Variants in SMIM35 observed in about 807,000 individuals in gnomAD.
The protein encoded by SMIM35 is TMPRSS4 antisense RNA 1 (non-protein coding).
At chr11:118,082,947 T>C (rs922932707) in intron 1 of SMIM35, among the ~76,000 whole-genome samples, 2 of 152,108 alleles carry the variant, frequency 1.3e-5, no homozygotes, top group Non-Finnish European at 2.9e-5. Flanking sequence ...TTAGCTCCAC[T>C]GAAATCAAAT....
At chr11:118,050,921 C>T (rs1490311743) in intron 1 of SMIM35, among the ~76,000 whole-genome samples, 2 of 152,204 alleles carry the variant, frequency 1.3e-5, no homozygotes, top group African/African-American at 4.8e-5. Context: ...CAATCCATCC[C>T]CACCCTATCT....
At chr11:118,013,377 G>C (rs910301633) in intron 4 of SMIM35, among the ~76,000 whole-genome samples, 3 of 152,236 alleles carry the variant, frequency 2.0e-5, no homozygotes, top group Non-Finnish European at 2.9e-5. Context: ...GGCTCAGAAA[G>C]CTCAGAACTG....
chr11:118,052,416 C>T (rs74795137), intron 1 of SMIM35, among the ~76,000 whole-genome samples: 10 of 152,240 alleles, frequency 6.6e-5, no homozygotes, highest in South Asian at 2.1e-4. Flanking sequence ...GTGTCTCCCA[C>T]GCAGAGGAGG....
At chr11:118,071,953 G>T (rs2135142873) in intron 1 of SMIM35, among the ~76,000 whole-genome samples, 1 of 152,328 alleles carries the variant, frequency 6.6e-6, no homozygotes, top group South Asian at 2.1e-4. Flanking sequence ...ACCTTGAGCA[G>T]GAAGGATCTA....
At chr11:118,067,347 G>C (rs1022438595) in intron 1 of SMIM35, 5 of 152,162 alleles carry the variant, frequency 3.3e-5, no homozygotes, top group Admixed American at 3.3e-4. Flanking sequence ...TGCTCATCAG[G>C]TGTCCACACT....
At chr11:118,043,157 A>C (rs1944033767) in intron 1 of SMIM35, among the ~76,000 whole-genome samples, 5 of 152,244 alleles carry the variant, frequency 3.3e-5, no homozygotes, top group Admixed American at 3.3e-4. Context: ...GAAATAGTCA[A>C]GAAAAAGCAA....
chr11:118,080,980 T>C (rs562205066), intron 1 of SMIM35, among the ~76,000 whole-genome samples: 2 of 152,224 alleles, frequency 1.3e-5, no homozygotes, highest in Non-Finnish European at 1.5e-5. Context: ...ACATTTTCTT[T>C]TAAACCTGTT....
chr11:118,057,228 C>T (rs1944328453), intron 1 of SMIM35, among the ~76,000 whole-genome samples: 1 of 152,182 alleles, frequency 6.6e-6, no homozygotes, highest in Non-Finnish European at 1.5e-5. Flanking sequence ...GGGATAGAGA[C>T]AAACCTTCCT....
At chr11:118,048,579 A>AGAG (rs1218109188) in intron 1 of SMIM35, among the ~76,000 whole-genome samples, 1 of 145,406 alleles carries the variant, frequency 6.9e-6, no homozygotes. Flanking sequence ...GGAAGGAAGG[A>AGAG]AGGAAGGAAG....
At chr11:118,066,274 C>T (rs1254562309) in intron 1 of SMIM35, among the ~76,000 whole-genome samples, 1 of 152,088 alleles carries the variant, frequency 6.6e-6, no homozygotes, top group Non-Finnish European at 1.5e-5. Context: ...TAGTCAGTCA[C>T]CAAGTCCAAC....
intron 4 of SMIM35, among the ~76,000 whole-genome samples, chr11:118,009,998 G>T (rs2058142227): frequency 6.6e-6 from 1 of 152,156 alleles, no homozygotes; most frequent in African/African-American, 2.4e-5. Context: ...GTAGCCAGTT[G>T]TGGAACTTGG....
At chr11:118,077,715 T>C (rs889045332) in intron 1 of SMIM35, among the ~76,000 whole-genome samples, 7 of 152,090 alleles carry the variant, frequency 4.6e-5, no homozygotes, top group African/African-American at 1.7e-4. Flanking sequence ...CCTTTTCTTT[T>C]TAAAGAAAAG....
At chr11:118,023,282 G>A (rs1289999247) in intron 1 of SMIM35, among the ~76,000 whole-genome samples, 1 of 152,000 alleles carries the variant, frequency 6.6e-6, no homozygotes, top group Non-Finnish European at 1.5e-5. Context: ...TCAATTTCAT[G>A]TGTGTGTGAA....
chr11:118,008,296 C>T (rs533575188), intron 4 of SMIM35, among the ~76,000 whole-genome samples: 16 of 152,294 alleles, frequency 1.1e-4, no homozygotes, highest in Admixed American at 3.3e-4. Context: ...TTAAATATCA[C>T]GGCTTCTAGA....
At chr11:118,064,328 C>G (rs1170677143) in intron 1 of SMIM35, among the ~76,000 whole-genome samples, 3 of 152,202 alleles carry the variant, frequency 2.0e-5, no homozygotes. Context: ...AGATAGGCAC[C>G]AATCTGCCAT....
chr11:118,079,127 C>T (rs539846778), intron 1 of SMIM35, among the ~76,000 whole-genome samples: 4 of 152,134 alleles, frequency 2.6e-5, no homozygotes, highest in African/African-American at 7.2e-5. Context: ...AAGGCAGCAG[C>T]ATGGCCAATC....
At chr11:118,012,278 C>T (rs1233083143) in intron 4 of SMIM35, among the ~76,000 whole-genome samples, 3 of 152,216 alleles carry the variant, frequency 2.0e-5, no homozygotes, top group Admixed American at 2.0e-4. Context: ...CAAGTCTGCA[C>T]TAAGCACCTT....
In SMIM35 at chr11:118,044,049, G is replaced by A. The variant is rs567256067; in HGVS notation, c.8-28240C>T. ...ATCTAAACAAAGCTGTTAAAAAAGC[G>A]ATAAAATGCCAACCTATATTTATCT... On this transcript the variant is annotated intron_variant, in intron 1 of 4. Transcript: ENST00000689828. 3.9e-5 allele frequency among the ~76,000 whole-genome samples: 6 copies of A among 152,166 alleles called. No homozygotes were observed. The South Asian group carries it at 1.0e-3, about 26-fold the overall frequency.
At chr11:118,010,019 C>G (rs572235412) in intron 4 of SMIM35, among the ~76,000 whole-genome samples, 1 of 152,316 alleles carries the variant, frequency 6.6e-6, no homozygotes, top group African/African-American at 2.4e-5. Flanking sequence ...GTAAAGCATG[C>G]TGCTTTTCTG....
Sources: allele counts gnomAD v4.1 joint callset (sites outside exome capture counted in the v4.1 genomes callset), GRCh38; gene constraint gnomAD v4.1.1; transcripts MANE v1.5; gene names NCBI Gene and HGNC (gene_info 2026-07-23, HGNC 2026-07-21).